Variants in ZNF814 observed in about 807,000 individuals in gnomAD.
ZNF814 encodes zinc finger protein 814.
ZNF814 carries 5 observed loss-of-function variants against 7.5 expected under a neutral mutation model. The ratio of observed to expected loss-of-function variants is 0.67; its 90% CI spans 0.35 to 1.40. ZNF814 has a LOEUF of 1.40. Among genes scored for constraint, ZNF814 ranks in the 40% most tolerant of loss-of-function variants. The probability of loss-of-function intolerance (pLI) is 0.04; values close to 1 mark genes in which losing one functional copy is unlikely to be tolerated. For synonymous variants in ZNF814, 315 were observed against 340.7 expected, an observed-to-expected ratio of 0.92 and a Z score of 0.83; for missense variants, 962 against 1,018.0, an observed-to-expected ratio of 0.94 and a Z score of 0.75.
chr19:57,892,071 A>T (rs765078769), upstream of ZNF814, among the ~76,000 whole-genome samples: 3 of 152,126 alleles, frequency 2.0e-5, no homozygotes, highest in Non-Finnish European at 2.9e-5. Context: ...GTATTTCTTT[A>T]ATGTATTTGA....
chr19:57,876,383 T>C (rs552891018), intron 2 of ZNF814: 1 of 155,702 alleles, frequency 6.4e-6, no homozygotes, highest in Non-Finnish European at 1.4e-5. Context: ...ACATGGGACA[T>C]GAATGATGCA....
chr19:57,898,228 G>A, the ZNF814 span, among the ~76,000 whole-genome samples: 113,176 of 152,180 alleles, frequency 0.74, 42,212 homozygotes, highest in African/African-American at 0.78. Flanking sequence ...AAGAAGGGAC[G>A]ATTCAACCTA....
In ZNF814 at chr19:57,879,135, T is replaced by G. The variant is rs2071632927; in HGVS notation, c.37-2093A>C. Among the ~76,000 whole-genome samples, 3 of 145,960 alleles carry G rather than the reference T, an allele frequency of 2.1e-5. No individual in the cohort carries two copies. In the Admixed American group the frequency reaches 2.1e-4, roughly 10 times the overall value. On this transcript the variant is annotated intron_variant, in intron 1 of 2. Coordinates refer to ENST00000435989, the MANE Select transcript of ZNF814 (RefSeq NM_001144989.2). ...TGGCCCATTCAAACCGATCCAATAT[T>G]ACCACAGAACTGCAATTCTATTGGA...
chr19:57,875,495 C>T (rs1448795043), intron 2 of ZNF814, among the ~76,000 whole-genome samples: 1 of 152,264 alleles, frequency 6.6e-6, no homozygotes, highest in African/African-American at 2.4e-5. Flanking sequence ...CTGCAAACCA[C>T]TCATCTGCAG....
rs1854708280 is a variant in ZNF814 at position 57,873,830 on chromosome 19, A to G, written c.1560T>C (p.Tyr520=). The stretch of plus-strand genomic sequence containing the variant: ...ATGATTTCCCACATTCTCCACACTC[A>G]TAAGGTCTTGCTCCAGTGTGAACTC... The part of the protein sequence containing the change: ...HQRVHTGARP[Y]ECGECGKSFS... The change falls in exon 3 of 3, where the codon TAT becomes TAC. Residue 520 remains tyrosine, a synonymous_variant. Coordinates refer to ENST00000435989, the MANE Select transcript of ZNF814 (RefSeq NM_001144989.2). The G allele has an allele frequency of 6.2e-7, 1 of 1,614,000 alleles. No individual in the cohort carries two copies. The highest frequency in any genetic ancestry group is 1.7e-5 in the Admixed American group (1 of 59,994).
At position 57,871,506 on chromosome 19, in the gene ZNF814, A is replaced by G. The variant is rs2071556695; in HGVS notation, c.*1316T>C. ...TTTCTGAACCACCCATACAGTGACA[A>G]CAACCCTCAAGATTGAAGAAGGCTG... On this transcript the variant is annotated 3_prime_UTR_variant, in exon 3 of 3. Coordinates refer to ENST00000435989, the MANE Select transcript of ZNF814 (RefSeq NM_001144989.2). 1 of 152,144 alleles carries G rather than the reference A, an allele frequency of 6.6e-6. No homozygotes were observed. The highest frequency in any genetic ancestry group is 2.4e-5 in the African/African-American group (1 of 41,418). 9.4% of individuals were successfully genotyped at this position (152,144 alleles called of 1,614,324 possible). A position where few individuals can be genotyped will look rare whatever the true frequency, so the allele number is the denominator to read the frequency against.
chr19:57,891,950 C>T (rs1389282589), upstream of ZNF814, among the ~76,000 whole-genome samples: 1 of 152,146 alleles, frequency 6.6e-6, no homozygotes, highest in Non-Finnish European at 1.5e-5. Context: ...AACACGGTTT[C>T]ACTATGTTGG....
chr19:57,891,560 T>C (rs1413174520), upstream of ZNF814, among the ~76,000 whole-genome samples: 1 of 139,152 alleles, frequency 7.2e-6, no homozygotes, highest in Non-Finnish European at 1.5e-5. Context: ...ACCATAAAAA[T>C]GGGCAGCCAT....
Position 57,889,032 on chromosome 19 carries a change from C to G in ZNF814, c.-230G>C, listed in dbSNP as rs886325977. The G allele has an allele frequency of 5.6e-6, 3 of 539,894 alleles. No homozygotes were observed. Among genetic ancestry groups the G allele is most frequent in the African/African-American group, 3.8e-5 (2 of 52,890 alleles). 33.4% of individuals were successfully genotyped at this position (539,894 alleles called of 1,614,324 possible). A position where few individuals can be genotyped will look rare whatever the true frequency, so the allele number is the denominator to read the frequency against. On this transcript the variant is annotated 5_prime_UTR_variant, in exon 1 of 3. Coordinates refer to ENST00000435989, the MANE Select transcript of ZNF814 (RefSeq NM_001144989.2). ...TCCTACAAATAAATCCAACACCAAT[C>G]AAAATGGCCGCCACCAGAGGGCGCC...
chr19:57,904,703 C>A, the ZNF814 span, among the ~76,000 whole-genome samples: 1 of 152,180 alleles, frequency 6.6e-6, no homozygotes, highest in Admixed American at 6.5e-5. Flanking sequence ...ATCTTAAGAA[C>A]TGTAATTGAC....
chr19:57,883,141 A>G (rs1288964439), intron 1 of ZNF814, among the ~76,000 whole-genome samples: 2 of 143,916 alleles, frequency 1.4e-5, no homozygotes, highest in African/African-American at 2.6e-5. Flanking sequence ...GGCAGATCAC[A>G]AATTCAGGAG....
intron 1 of ZNF814, among the ~76,000 whole-genome samples, chr19:57,886,653 C>T (rs770737134): frequency 6.6e-6 from 1 of 151,812 alleles, no homozygotes; most frequent in South Asian, 2.1e-4. Flanking sequence ...CCGAGGCGAG[C>T]GGATTGCCTG....
At chr19:57,880,700 G>A (rs1462025852) in intron 1 of ZNF814, among the ~76,000 whole-genome samples, 1 of 144,794 alleles carries the variant, frequency 6.9e-6, no homozygotes, top group Non-Finnish European at 1.5e-5. Flanking sequence ...TCTGCCTCCG[G>A]GGTTCAAGCA....
In ZNF814 at chr19:57,873,367, G is replaced by A. The variant is rs1196395029; in HGVS notation, c.2023C>T (p.Leu675Phe). ...GTATGGCCATGCTGGTGTAGAATGAGGTTACCCTTGTGACTAAAACATTTC... is the reference window on the plus strand; with the variant it reads ...GTATGGCCATGCTGGTGTAGAATGAAGTTACCCTTGTGACTAAAACATTTC... ...CGKCFSHKGN[L>F]ILHQHGHTGE... The change falls in exon 3 of 3, where the codon CTC becomes TTC. Residue 675 changes from leucine to phenylalanine, a missense_variant. Physicochemically the swap from Leu to Phe is conservative, Grantham distance 22. Transcript: ENST00000435989. 1 of 1,602,060 alleles carries A rather than the reference G, an allele frequency of 6.2e-7. No individual in the cohort carries two copies. The highest frequency in any genetic ancestry group is 1.1e-5 in the South Asian group (1 of 90,076).
In ZNF814 at chr19:57,874,955, C is replaced by T. The variant is rs1387060129; in HGVS notation, c.435G>A (p.Glu145=). Residue 145 remains glutamate, a synonymous_variant, in exon 3 of 3, where the codon GAG becomes GAA. Transcript: ENST00000435989. The part of the protein sequence containing the change: ...FHQHQNEHIG[E]KPYRGSVEEA... The stretch of plus-strand genomic sequence containing the variant: ...CCTCAACACTCCCTCTGTAGGGTTT[C>T]TCTCCAATGTGCTCATTCTGGTGCT... 1 of 1,612,892 alleles carries T rather than the reference C, an allele frequency of 6.2e-7. No homozygotes were observed. The highest frequency in any genetic ancestry group is 1.3e-5 in the African/African-American group (1 of 74,862).
rs1371335056 is a variant in ZNF814, at chr19:57,874,002, GGTCT to G, written c.1384_1387del (p.Arg462LeufsTer8). On this transcript the variant is annotated frameshift_variant, in exon 3 of 3. Transcript: ENST00000435989. LOFTEE classifies it low-confidence loss of function (END_TRUNC). The stretch of plus-strand genomic sequence containing the variant: ...TTTCACACATTCTCCACACTTGAAA[GGTCT>G]TTCTCCGGCGTGAACTCGTTGATGG... 6.2e-7 allele frequency: 1 copy of G among 1,613,618 alleles called. No homozygotes were observed. The highest frequency in any genetic ancestry group is 1.1e-5 in the South Asian group (1 of 91,040).
intron 1 of ZNF814, chr19:57,885,850 T>A (rs185624073): frequency 6.6e-6 from 1 of 151,706 alleles, no homozygotes. Flanking sequence ...GACGGATACA[T>A]TAACCCTAGT....
In ZNF814 at chr19:57,877,918, G is replaced by C. The variant is rs535249151; in HGVS notation, c.37-876C>G. ...GGTGGCTCACATTTGTAATCCCAGT[G>C]ATTTCAGAGGCCGAGCCAGGTGGAT... On this transcript the variant is annotated intron_variant, in intron 1 of 2. Transcript: ENST00000435989. Among the ~76,000 whole-genome samples the C allele has an allele frequency of 2.0e-5, 3 of 151,978 alleles. No homozygotes were observed. The South Asian group carries it at 6.2e-4, about 31-fold the overall frequency.
At position 57,872,105 on chromosome 19, in the gene ZNF814, C is replaced by CA. The variant is rs886433545; in HGVS notation, c.*716dup. ...TGAGCGACACAGTGACAACCTGTCTCAAAAAAAATCTAGCAAGGTACCTGG... is the reference window on the plus strand; with the variant it reads ...TGAGCGACACAGTGACAACCTGTCTCAAAAAAAAATCTAGCAAGGTACCTGG... On this transcript the variant is annotated 3_prime_UTR_variant, in exon 3 of 3. Coordinates refer to ENST00000435989, the MANE Select transcript of ZNF814 (RefSeq NM_001144989.2). Among the ~76,000 whole-genome samples the CA allele has an allele frequency of 4.0e-5, 6 of 151,782 alleles. No homozygotes were observed. The highest frequency in any genetic ancestry group is 7.4e-5 in the Non-Finnish European group (5 of 67,946).
Sources: gnomAD v4.1 joint callset for allele counts (sites outside exome capture counted in the v4.1 genomes callset) on GRCh38, gnomAD v4.1.1 for gene constraint, MANE v1.5 for transcripts, NCBI Gene and HGNC (gene_info 2026-07-23, HGNC 2026-07-21) for gene names.